The following FAM135A variants were observed in gnomAD, a reference collection of about 807,000 sequenced individuals.
FAM135A encodes the protein protein FAM135A.
In FAM135A, 79 loss-of-function variants were observed where a neutral mutation model predicts 146.8. The observed-to-expected ratio is 0.54, with a 90% CI of 0.45 to 0.65. The LOEUF (loss-of-function observed/expected upper bound fraction) is 0.65. Ranked by LOEUF, FAM135A falls within the 30% of genes least tolerant of loss-of-function variation. The pLI, the probability that FAM135A is intolerant of heterozygous loss-of-function variation, is 0.00. For synonymous variants in FAM135A, 562 were observed against 603.6 expected (o/e 0.93, Z 1.01); for missense variants, 1,623 against 1,758.2 (o/e 0.92, Z 1.38).
At chr6:70,542,490 C>G (rs539899860) in intron 20 of FAM135A, among the ~76,000 whole-genome samples, 1 of 152,218 alleles carries the variant, frequency 6.6e-6, no homozygotes, top group East Asian at 1.9e-4. Flanking sequence ...TTTCTTGATG[C>G]CCTATCTGAT....
rs140077200 is a variant in FAM135A, at chr6:70,548,658, T to G, written c.4229-8092T>G. Among the ~76,000 whole-genome samples, 461 of 152,296 alleles carry G rather than the reference T, an allele frequency of 3.0e-3. 1 individual carries two copies. The highest frequency in any genetic ancestry group is 0.01 in the African/African-American group (416 of 41,578). On this transcript the variant is annotated intron_variant, in intron 20 of 21. Transcript: ENST00000418814. ...TTTGAAAAATGTCTTTAATATAATT[T>G]TATGAAGAAATATATAATGCCTTTT...
At chr6:70,549,620 A>G (rs1348727440) in intron 20 of FAM135A, among the ~76,000 whole-genome samples, 1 of 152,160 alleles carries the variant, frequency 6.6e-6, no homozygotes, top group African/African-American at 2.4e-5. Flanking sequence ...TCTAAAAAAA[A>G]GTATGCATAC....
At chr6:70,435,083 A>ATG (rs1772682942) in intron 4 of FAM135A, among the ~76,000 whole-genome samples, 1 of 41,678 alleles carries the variant, frequency 2.4e-5, no homozygotes, top group African/African-American at 1.1e-4. Context: ...GTGTGTGTGT[A>ATG]TATATATATA....
intron 11 of FAM135A, among the ~76,000 whole-genome samples, chr6:70,502,097 A>G (rs781592915): frequency 6.6e-6 from 1 of 152,204 alleles, no homozygotes; most frequent in Non-Finnish European, 1.5e-5. Context: ...TAAAGTGACA[A>G]TTCTGTAAAA....
At chr6:70,415,548 C>T (rs1767376402) in intron 2 of FAM135A, among the ~76,000 whole-genome samples, 172 bp downstream of exon 2, 1 of 152,134 alleles carries the variant, frequency 6.6e-6, no homozygotes, top group South Asian at 2.1e-4. Context: ...GTGATGCACT[C>T]ATCAGCTTTT....
intron 4 of FAM135A, among the ~76,000 whole-genome samples, chr6:70,449,465 A>G (rs1226339468): frequency 6.6e-6 from 1 of 152,136 alleles, no homozygotes; most frequent in Non-Finnish European, 1.5e-5. Flanking sequence ...TATGAGTTCA[A>G]GATTTTTAGA....
intron 12 of FAM135A, among the ~76,000 whole-genome samples, chr6:70,507,445 T>A (rs9455135): frequency 0.025 from 3,836 of 152,212 alleles, 166 homozygotes; most frequent in African/African-American, 0.088. Context: ...TGATAACGAA[T>A]TCAGAAGCAG....
At position 70,464,833 on chromosome 6, in the gene FAM135A, A is replaced by ATTTTTT. The variant is rs67408160; in HGVS notation, c.158-10553_158-10548dup. Among the ~76,000 whole-genome samples the ATTTTTT allele has an allele frequency of 3.2e-3, 206 of 64,320 alleles. 10 individuals are homozygous for ATTTTTT. The highest frequency in any genetic ancestry group is 0.011 in the African/African-American group (154 of 14,030). The allele number at this position is 64,320 out of a possible 152,430, so 42.2% of individuals were successfully genotyped here. A position where few individuals can be genotyped will look rare whatever the true frequency, so the allele number is the denominator to read the frequency against. Reference sequence around the variant, plus strand: ...AGGCATGCACCACCACGCCTGGCCAATTTTTTTTTTTTTTTTTTTTTTTTT... The same window carrying ATTTTTT: ...AGGCATGCACCACCACGCCTGGCCAATTTTTTTTTTTTTTTTTTTTTTTTTTTTTTT... On this transcript the variant is annotated intron_variant, in intron 5 of 21. Transcript: ENST00000418814.
rs1769851871 is a variant in FAM135A at position 70,425,441 on chromosome 6, T to C, written c.-133-998T>C. ...AGATAGCATTGTTTGATCTTAGAAA[T>C]AGTTACCAGAAAATCTTTTGATGTG... On this transcript the variant is annotated intron_variant, in intron 2 of 21. Transcript: ENST00000418814. 3.3e-5 allele frequency among the ~76,000 whole-genome samples: 5 copies of C among 152,134 alleles called. No individual in the cohort carries two copies. In the South Asian group the frequency reaches 1.0e-3, roughly 31 times the overall value.
intron 4 of FAM135A, among the ~76,000 whole-genome samples, chr6:70,443,782 T>C (rs1775099498): frequency 6.6e-6 from 1 of 152,192 alleles, no homozygotes; most frequent in Non-Finnish European, 1.5e-5. Context: ...GATTGGTCTT[T>C]TTCATCTCAA....
chr6:70,536,181 C>G, intron 18 of FAM135A, 79 bp from the exon 19 acceptor site: 1 of 1,342,250 alleles, frequency 7.5e-7, no homozygotes, highest in East Asian at 2.5e-5. Flanking sequence ...TATTCACATC[C>G]ATTTTATAGT....
intron 10 of FAM135A, among the ~76,000 whole-genome samples, chr6:70,490,383 G>A (rs1212063443): frequency 6.6e-6 from 1 of 151,954 alleles, no homozygotes; most frequent in Non-Finnish European, 1.5e-5. Flanking sequence ...GTTAGTTTCT[G>A]TTTTTCCTGG....
At chr6:70,527,102 G>A (rs9351787) in intron 15 of FAM135A, among the ~76,000 whole-genome samples, 3 of 152,004 alleles carry the variant, frequency 2.0e-5, no homozygotes, top group East Asian at 3.9e-4. Flanking sequence ...CCAGACAAAA[G>A]CCAAGTTTTA....
chr6:70,426,593 A>T (rs1462429828), intron 3 of FAM135A, 61 bp downstream of exon 3: 1 of 152,240 alleles, frequency 6.6e-6, no homozygotes, highest in African/African-American at 2.4e-5. Context: ...CCAAATTTCT[A>T]TGAAGAACTG....
In FAM135A at chr6:70,533,242, G is replaced by A. The variant is rs1796163836; in HGVS notation, c.3858G>A (p.Glu1286=). 6.2e-7 allele frequency: 1 copy of A among 1,611,950 alleles called. No individual in the cohort carries two copies. The highest frequency in any genetic ancestry group is 8.5e-7 in the Non-Finnish European group (1 of 1,178,504). The change falls in exon 17 of 22, where the codon GAG becomes GAA. Residue 1286 remains glutamate (E), a synonymous_variant. Transcript: ENST00000418814. Reference sequence around the variant, plus strand: ...GAAGAATTGATTTTCTTATGTCTGAGAGAAATCAGGTACAATATGACAGTG... The same window carrying A: ...GAAGAATTGATTTTCTTATGTCTGAAAGAAATCAGGTACAATATGACAGTG... ...PGGRIDFLMS[E]RNQNDTFADF...
At chr6:70,543,572 G>T (rs1798312720) in intron 20 of FAM135A, among the ~76,000 whole-genome samples, 1 of 152,120 alleles carries the variant, frequency 6.6e-6, no homozygotes, top group Admixed American at 6.6e-5. Context: ...ATACTTGATT[G>T]ATCAAATTAC....
At chr6:70,555,669 G>A (rs1800700040) in intron 20 of FAM135A, among the ~76,000 whole-genome samples, 1 of 152,082 alleles carries the variant, frequency 6.6e-6, no homozygotes, top group Admixed American at 6.5e-5. Flanking sequence ...GATTCCCAAA[G>A]TAGTACTGAT....
At chr6:70,543,484 T>C (rs908775041) in intron 20 of FAM135A, among the ~76,000 whole-genome samples, 1 of 152,232 alleles carries the variant, frequency 6.6e-6, no homozygotes, top group Non-Finnish European at 1.5e-5. Flanking sequence ...GAAAATTCTC[T>C]TATAGATTGG....
Position 70,428,288 on chromosome 6 carries a change from C to A in FAM135A, c.-39-16C>A. On this transcript the variant is annotated splice_polypyrimidine_tract_variant and intron_variant, in intron 3 of 21. Transcript: ENST00000418814. ...TTGTTACGCTTCTCATGATTTTTTC[C>A]CTTTCCTTAACAAAGGTGCTGTTAT... 2 of 1,269,690 alleles carry A rather than the reference C, an allele frequency of 1.6e-6. No individual in the cohort carries two copies. Among genetic ancestry groups the A allele is most frequent in the South Asian group, 1.6e-5 (1 of 62,804 alleles). 78.7% of individuals were successfully genotyped at this position (1,269,690 alleles called of 1,614,324 possible).
Sources: gnomAD v4.1 joint callset for allele counts (sites outside exome capture counted in the v4.1 genomes callset) on GRCh38, gnomAD v4.1.1 for gene constraint, MANE v1.5 for transcripts, NCBI Gene and HGNC (gene_info 2026-07-23, HGNC 2026-07-21) for gene names.